NTM: variants seen among roughly 807,000 people sequenced by gnomAD.
The protein encoded by NTM is neurotrimin.
Under a neutral mutation model 42.1 loss-of-function variants are expected in NTM, and 13 were observed. The observed-to-expected ratio is 0.31, with a 90% CI of 0.20 to 0.49. The LOEUF is 0.49. Among genes scored for constraint, NTM ranks in the 20% least tolerant of loss-of-function variants. NTM has a pLI of 0.99. For synonymous variants in NTM, 187 were observed against 179.2 expected (o/e 1.04, Z -0.35); for missense variants, 373 against 452.8 (o/e 0.82, Z 1.60).
At chr11:132,082,355 C>G (rs1305521773) in intron 2 of NTM, among the ~76,000 whole-genome samples, 1 of 152,136 alleles carries the variant, frequency 6.6e-6, no homozygotes, top group East Asian at 1.9e-4. Context: ...GAATACCAAG[C>G]CACCATTCAT....
rs144401426 is a variant in NTM, at chr11:132,070,251, C to T, written c.168-76031C>T. ...GTTAACACGTCACACAGCCAAAACA[C>T]GTCAAACTGACCATCACAGGTTAGT... is the stretch of plus-strand genomic sequence containing the variant. On this transcript the variant is annotated intron_variant, in intron 2 of 8. Coordinates refer to ENST00000683400, the MANE Select transcript of NTM (RefSeq NM_001352005.2). Among the ~76,000 whole-genome samples, 1,207 of 134,960 alleles carry T rather than the reference C, an allele frequency of 8.9e-3. 8 individuals are homozygous for T. The highest frequency in any genetic ancestry group is 0.014 in the Non-Finnish European group (850 of 61,898). The allele number at this position is 134,960 out of a possible 152,430, so 88.5% of individuals were successfully genotyped here.
intron 4 of NTM, among the ~76,000 whole-genome samples, chr11:132,305,464 CTAT>C (rs1333163021): frequency 6.6e-6 from 1 of 152,148 alleles, no homozygotes; most frequent in Non-Finnish European, 1.5e-5. Context: ...GTAATTCGAG[CTAT>C]TATTAATTTC....
In NTM at chr11:132,213,780, G is replaced by A. The variant is rs1485054917; in HGVS notation, c.526+1633G>A. On this transcript the variant is annotated intron_variant, in intron 4 of 8. Coordinates refer to ENST00000683400, the MANE Select transcript of NTM (RefSeq NM_001352005.2). ...GACGGAGTCTCGCTCTGTCGCCCAG[G>A]CTGGAGTGCAGTGGCGGGATCTCGG... 5.4e-5 allele frequency among the ~76,000 whole-genome samples: 3 copies of A among 55,536 alleles called. 1 individual carries two copies. The highest frequency in any genetic ancestry group is 1.6e-4 in the African/African-American group (3 of 18,476). The allele number at this position is 55,536 out of a possible 152,430, so 36.4% of individuals were successfully genotyped here.
chr11:132,036,122 T>A (rs2135717256), intron 2 of NTM, among the ~76,000 whole-genome samples: 1 of 152,326 alleles, frequency 6.6e-6, no homozygotes, highest in South Asian at 2.1e-4. Flanking sequence ...GTTTCTTGTC[T>A]TATGCTACTA....
At chr11:131,732,433 C>T (rs1274130613) in intron 1 of NTM, among the ~76,000 whole-genome samples, 2 of 152,182 alleles carry the variant, frequency 1.3e-5, no homozygotes, top group African/African-American at 4.8e-5. Flanking sequence ...CCTTCTCTGT[C>T]CTGTCTTTCT....
At chr11:131,692,982 A>G (rs555320597) in intron 1 of NTM, among the ~76,000 whole-genome samples, 1 of 152,282 alleles carries the variant, frequency 6.6e-6, no homozygotes, top group East Asian at 1.9e-4. Context: ...GTGGTTAATT[A>G]ATCTATGTAA....
At chr11:131,828,096 A>C (rs754464759) in intron 1 of NTM, among the ~76,000 whole-genome samples, 1 of 151,564 alleles carries the variant, frequency 6.6e-6, no homozygotes, top group African/African-American at 2.4e-5. Flanking sequence ...ATTAAATTCT[A>C]CCTGCCAAAT....
rs188456266 is a variant in NTM at position 132,136,939 on chromosome 11, G to A, written c.168-9343G>A. ...AGGCCAGTGCATCTCCTTCATAGTCGCACTAGGCCTTGGGCATGGGAGGAG... is the reference window on the plus strand; with the variant it reads ...AGGCCAGTGCATCTCCTTCATAGTCACACTAGGCCTTGGGCATGGGAGGAG... On this transcript the variant is annotated intron_variant, in intron 2 of 8. Coordinates refer to ENST00000683400, the MANE Select transcript of NTM (RefSeq NM_001352005.2). Among the ~76,000 whole-genome samples the A allele has an allele frequency of 5.3e-5, 8 of 152,202 alleles. No homozygotes were observed. The East Asian group carries it at 9.7e-4, about 18-fold the overall frequency.
chr11:132,020,166 G>A (rs1181879303), intron 2 of NTM, among the ~76,000 whole-genome samples: 2 of 152,048 alleles, frequency 1.3e-5, no homozygotes, highest in African/African-American at 2.4e-5. Context: ...GGATATGATT[G>A]CCTTCCTTTT....
At chr11:131,729,343 G>A (rs1489393055) in intron 1 of NTM, among the ~76,000 whole-genome samples, 1 of 152,202 alleles carries the variant, frequency 6.6e-6, no homozygotes, top group Non-Finnish European at 1.5e-5. Flanking sequence ...CTGGGTTATT[G>A]TGGACTGCTA....
At chr11:131,911,400 G>GCACCC in intron 1 of NTM, 164 bp from the exon 2 acceptor site, 1 of 1,595,466 alleles carries the variant, frequency 6.3e-7, no homozygotes, top group Non-Finnish European at 8.6e-7. Flanking sequence ...CGCTCGCTCC[G>GCACCC]CACCCCACCC....
intron 4 of NTM, among the ~76,000 whole-genome samples, chr11:132,254,203 C>T (rs1040936079): frequency 2.0e-5 from 3 of 152,072 alleles, no homozygotes; most frequent in Admixed American, 6.5e-5. Context: ...ACTGAGCACC[C>T]GGCTAGAGAC....
At chr11:131,612,260 T>C (rs7109247) in intron 1 of NTM, among the ~76,000 whole-genome samples, 38,998 of 152,168 alleles carry the variant, frequency 0.26, 5,279 homozygotes, top group South Asian at 0.33. Flanking sequence ...TAAGAGACCC[T>C]GAAGCAGAAC....
chr11:132,112,082 G>A (rs11222938), intron 2 of NTM, among the ~76,000 whole-genome samples: 21,547 of 152,140 alleles, frequency 0.14, 1,627 homozygotes, highest in Middle Eastern at 0.18. Context: ...CTGAATGAAG[G>A]CCAAGCTATA....
intron 1 of NTM, among the ~76,000 whole-genome samples, chr11:131,377,895 C>T (rs150617552): frequency 1.2e-4 from 18 of 152,288 alleles, no homozygotes; most frequent in African/African-American, 4.3e-4. Context: ...CAGGTAATTA[C>T]CTTTCTCATA....
intron 2 of NTM, among the ~76,000 whole-genome samples, chr11:131,924,157 G>A (rs1002629011): frequency 1.3e-5 from 2 of 152,220 alleles, no homozygotes; most frequent in Non-Finnish European, 2.9e-5. Flanking sequence ...GGGGGCCGTG[G>A]CTGACACTGG....
chr11:131,911,443 TGCG>T, intron 1 of NTM, 118 bp from the exon 2 acceptor site: 1 of 1,613,394 alleles, frequency 6.2e-7, no homozygotes, highest in South Asian at 1.1e-5. Flanking sequence ...GCGTGTGCCG[TGCG>T]GCTGCCGGAG....
At chr11:131,425,233 G>T (rs564895740) in intron 1 of NTM, among the ~76,000 whole-genome samples, 119 of 152,020 alleles carry the variant, frequency 7.8e-4, no homozygotes, top group Non-Finnish European at 1.3e-3. Context: ...GTTTGTTTTT[G>T]GTTTAGGTGG....
rs193261916 is a variant in NTM at position 131,722,665 on chromosome 11, C to T, written c.83-188899C>T. Among the ~76,000 whole-genome samples the T allele has an allele frequency of 1.1e-4, 16 of 152,242 alleles. No homozygotes were observed. In the East Asian group the frequency reaches 2.3e-3, roughly 22 times the overall value. On this transcript the variant is annotated intron_variant, in intron 1 of 8. Coordinates refer to ENST00000683400, the MANE Select transcript of NTM (RefSeq NM_001352005.2). ...ATCACAGTGGAACACTTGGCTCATCCGGAGTAGCTTTAACACACTTGGTGT... is the reference window on the plus strand; with the variant it reads ...ATCACAGTGGAACACTTGGCTCATCTGGAGTAGCTTTAACACACTTGGTGT...
Sources: allele counts gnomAD v4.1 joint callset (sites outside exome capture counted in the v4.1 genomes callset), GRCh38; gene constraint gnomAD v4.1.1; transcripts MANE v1.5; gene names NCBI Gene and HGNC (gene_info 2026-07-23, HGNC 2026-07-21).